TBC1D8B: variants seen among roughly 807,000 people sequenced by gnomAD.
The protein encoded by TBC1D8B is RP11-321G1.1.
A neutral mutation model predicts 82.9 loss-of-function variants in TBC1D8B; 75 were observed. The ratio of observed to expected loss-of-function variants is 0.90; its 90% CI spans 0.75 to 1.10. TBC1D8B has a LOEUF of 1.10. Among genes scored for constraint, TBC1D8B ranks in the 50% least tolerant of loss-of-function variants. The pLI is 0.00. For synonymous variants in TBC1D8B, 276 were observed against 276.8 expected (o/e 1.00, Z 0.03); for missense variants, 794 against 796.9 (o/e 1.00, Z 0.04).
rs948500823 is a variant in TBC1D8B, at chrX:106,874,967, A to G, written c.*1002A>G. On this transcript the variant is annotated 3_prime_UTR_variant, in exon 21 of 21. Coordinates refer to ENST00000357242, the MANE Select transcript of TBC1D8B (RefSeq NM_017752.3). ...AGTATACTTGTATGTAATGATTGCCAAGGTAACAGAATTGCTGACATCTGT... is the reference window on the plus strand; with the variant it reads ...AGTATACTTGTATGTAATGATTGCCGAGGTAACAGAATTGCTGACATCTGT... 8.9e-6 allele frequency: 1 copy of G among 112,351 alleles called. No individual in the cohort carries two copies. The highest frequency in any genetic ancestry group is 1.9e-5 in the Non-Finnish European group (1 of 53,216). 9.3% of individuals were successfully genotyped at this position (112,351 alleles called of 1,213,427 possible).
chrX:106,865,801 GT>G lies in TBC1D8B; in HGVS notation c.2435del (p.Leu812TyrfsTer12). The G allele has an allele frequency of 8.4e-7, 1 of 1,192,035 alleles. No homozygotes were observed. Among genetic ancestry groups the G allele is most frequent in the Non-Finnish European group, 1.1e-6 (1 of 887,897 alleles). On this transcript the variant is annotated frameshift_variant, in exon 16 of 21. Coordinates refer to ENST00000357242, the MANE Select transcript of TBC1D8B (RefSeq NM_017752.3). LOFTEE classifies it high-confidence loss of function. The part of the protein sequence containing the change: ...ELYVIFKKEL[F>X]LSCYWCLGCP... Reference sequence around the variant, plus strand: ...TTATTTATTTTTAATAGAAAGAGCTGTTTTTATCTTGTTATTGGTGTTTGGG... The same window carrying G: ...TTATTTATTTTTAATAGAAAGAGCTGTTTTATCTTGTTATTGGTGTTTGGG...
chrX:106,850,684 G>A (rs1181278632), intron 12 of TBC1D8B, among the ~76,000 whole-genome samples: 8 of 111,724 alleles, frequency 7.2e-5, no homozygotes, highest in East Asian at 5.6e-4. Flanking sequence ...TTTCTATGTG[G>A]TTTCAGGTGG....
chrX:106,807,580 C>T (rs1014239903), intron 1 of TBC1D8B, among the ~76,000 whole-genome samples: 17 of 107,746 alleles, frequency 1.6e-4, no homozygotes, highest in African/African-American at 4.1e-4. Context: ...AAAGTCATGA[C>T]ATTGACCGTC....
intron 11 of TBC1D8B, chrX:106,849,524 A>G: frequency 3.0e-6 from 3 of 986,457 alleles, no homozygotes; most frequent in Non-Finnish European, 3.8e-6. Context: ...ATAGCTGAGA[A>G]CTCATCAGAG....
At chrX:106,860,340 G>GGTGTGTGTGT (rs3078333) in intron 14 of TBC1D8B, among the ~76,000 whole-genome samples, 162 of 82,785 alleles carry the variant, frequency 2.0e-3, no homozygotes, top group Middle Eastern at 6.8e-3. Flanking sequence ...TTTTATGATT[G>GGTGTGTGTGT]GTGTGTGTGT....
At chrX:106,858,629 A>C (rs1376369556) in intron 14 of TBC1D8B, among the ~76,000 whole-genome samples, 1 of 112,319 alleles carries the variant, frequency 8.9e-6, no homozygotes, top group African/African-American at 3.2e-5. Flanking sequence ...TGTCAGATGC[A>C]TAGTTTGCAA....
intron 14 of TBC1D8B, among the ~76,000 whole-genome samples, chrX:106,861,663 C>T (rs1240991376): frequency 9.0e-6 from 1 of 111,631 alleles, no homozygotes; most frequent in Non-Finnish European, 1.9e-5. Flanking sequence ...AGTTGCATCT[C>T]ACTATCTTAT....
At chrX:106,824,793 A>G (rs947270534) in intron 5 of TBC1D8B, among the ~76,000 whole-genome samples, 9 of 111,631 alleles carry the variant, frequency 8.1e-5, no homozygotes, top group Non-Finnish European at 1.3e-4. Context: ...CTAGTAAGTT[A>G]AAAAGAACAG....
intron 1 of TBC1D8B, among the ~76,000 whole-genome samples, chrX:106,803,540 C>T (rs984544456): frequency 9.0e-6 from 1 of 110,860 alleles, no homozygotes. Context: ...GGGGTAGGCT[C>T]AGAATTGCTG....
chrX:106,824,262 T>C (rs961020035), intron 5 of TBC1D8B, among the ~76,000 whole-genome samples: 1 of 111,087 alleles, frequency 9.0e-6, no homozygotes, highest in African/African-American at 3.3e-5. Flanking sequence ...AGGATGTCAG[T>C]ATAGACTATA....
chrX:106,804,458 T>A (rs1170365627), intron 1 of TBC1D8B, among the ~76,000 whole-genome samples: 2 of 112,062 alleles, frequency 1.8e-5, no homozygotes, highest in Admixed American at 9.5e-5. Flanking sequence ...TTCTAATTTT[T>A]AAAAATTACA....
At chrX:106,854,577 G>T (rs1243587432) in intron 14 of TBC1D8B, among the ~76,000 whole-genome samples, 1 of 110,930 alleles carries the variant, frequency 9.0e-6, no homozygotes, top group Non-Finnish European at 1.9e-5. Context: ...GCAGTGGCAT[G>T]ATCGCAGCTC....
chrX:106,839,195 A>G, intron 7 of TBC1D8B, 113 bp from the exon 8 acceptor site: 1 of 800,602 alleles, frequency 1.2e-6, no homozygotes, highest in Non-Finnish European at 1.7e-6. Flanking sequence ...TATTGCTTTA[A>G]TATTTGTTAT....
chrX:106,802,836 G>T lies in TBC1D8B; in HGVS notation c.-18G>T. The stretch of plus-strand genomic sequence containing the variant: ...GAGGGCATCTAGGTCACTGCTCCCG[G>T]GGGGCACAAAGTTCGCGATGTGGCT... On this transcript the variant is annotated 5_prime_UTR_variant, in exon 1 of 21. Coordinates refer to ENST00000357242, the MANE Select transcript of TBC1D8B (RefSeq NM_017752.3). 8.3e-7 allele frequency: 1 copy of T among 1,210,522 alleles called. No homozygotes were observed.
chrX:106,811,288 G>T (rs1398495700), intron 1 of TBC1D8B, among the ~76,000 whole-genome samples: 1 of 111,877 alleles, frequency 8.9e-6, no homozygotes, highest in East Asian at 2.8e-4. Context: ...ACTTTGGGAG[G>T]CCAAGGCAGG....
chrX:106,812,922 C>A (rs1931421447), intron 1 of TBC1D8B, among the ~76,000 whole-genome samples: 1 of 110,993 alleles, frequency 9.0e-6, no homozygotes, highest in South Asian at 3.9e-4. Flanking sequence ...AATCTCAGCT[C>A]ACTCCAAGTG....
At chrX:106,851,787 G>A (rs1290029565) in intron 12 of TBC1D8B, among the ~76,000 whole-genome samples, 2 of 112,183 alleles carry the variant, frequency 1.8e-5, no homozygotes, top group African/African-American at 6.5e-5. Context: ...GTGTACATGT[G>A]CCACATTTTC....
chrX:106,804,571 C>T (rs1931129243), intron 1 of TBC1D8B, among the ~76,000 whole-genome samples: 1 of 111,350 alleles, frequency 9.0e-6, no homozygotes, highest in African/African-American at 3.3e-5. Flanking sequence ...CATAAATTAT[C>T]CACTTGAGTC....
chrX:106,869,597 G>A, intron 19 of TBC1D8B, 56 bp downstream of exon 19: 1 of 991,678 alleles, frequency 1.0e-6, no homozygotes, highest in Non-Finnish European at 1.4e-6. Context: ...ATGTAAATAA[G>A]GATAGCTACA....
Sources: gnomAD v4.1 joint callset for allele counts (sites outside exome capture counted in the v4.1 genomes callset) on GRCh38, gnomAD v4.1.1 for gene constraint, MANE v1.5 for transcripts, NCBI Gene and HGNC (gene_info 2026-07-23, HGNC 2026-07-21) for gene names.